SCARA5: variants seen among roughly 807,000 people sequenced by gnomAD.
SCARA5 encodes scavenger receptor class A member 5, also known as scavenger receptor class A, member 5 (putative).
Under a neutral mutation model 46.3 loss-of-function variants are expected in SCARA5, and 45 were observed. The ratio of observed to expected loss-of-function variants is 0.97; its 90% CI spans 0.76 to 1.24. The LOEUF (loss-of-function observed/expected upper bound fraction) is 1.24, where lower values mean the gene tolerates loss of function less well. SCARA5 is among the 50% of genes most tolerant of loss of function. The pLI is 0.00. For synonymous variants in SCARA5, 333 were observed against 306.5 expected (o/e 1.09, Z -0.90); for missense variants, 680 against 689.0 (o/e 0.99, Z 0.15).
chr8:27,904,386 G>T, intron 7 of SCARA5: 1 of 349,190 alleles, frequency 2.9e-6, no homozygotes, highest in Non-Finnish European at 5.2e-6. Flanking sequence ...CAGGTGTCCA[G>T]CATGATCATA....
At chr8:27,949,667 C>A (rs952438898) in intron 3 of SCARA5, among the ~76,000 whole-genome samples, 20 of 152,208 alleles carry the variant, frequency 1.3e-4, no homozygotes, top group African/African-American at 4.3e-4. Context: ...CCTCCTTCCA[C>A]CCCAACCGCA....
intron 5 of SCARA5, 149 bp from the exon 6 acceptor site, chr8:27,907,395 C>T (rs1807281638): frequency 3.5e-6 from 2 of 563,842 alleles, no homozygotes; most frequent in South Asian, 4.6e-5. Context: ...AAAGATGCCA[C>T]CACAGCAGAG....
Position 27,921,604 on chromosome 8 carries a change from A to T in SCARA5, c.883T>A (p.Ser295Thr), listed in dbSNP as rs1452799289. The change falls in exon 4 of 9, where the codon TCC (serine) becomes ACC (threonine). Residue 295 changes from serine to threonine, a missense_variant. Around this residue, in one of 3 missense-constraint regions of SCARA5, gnomAD observed 438 missense variants for 384.5 expected, o/e 1.14. Transcript: ENST00000354914. ...EDLRLKDWEHSIALRNISLAK... is the reference protein window; with the variant it reads ...EDLRLKDWEHTIALRNISLAK... The stretch of plus-strand genomic sequence containing the variant: ...AGGGAGATGTTCCGCAGTGCGATGG[A>T]GTGCTCCCAGTCCTTGAGGCGCAGG... The T allele has an allele frequency of 6.3e-7, 1 of 1,585,674 alleles. No homozygotes were observed. The highest frequency in any genetic ancestry group is 8.6e-7 in the Non-Finnish European group (1 of 1,164,042).
chr8:27,944,531 C>A (rs1808002187), intron 3 of SCARA5, among the ~76,000 whole-genome samples: 1 of 152,040 alleles, frequency 6.6e-6, no homozygotes, highest in Non-Finnish European at 1.5e-5. Flanking sequence ...CTCTTTATAG[C>A]TTCCAACTTC....
At chr8:27,958,852 G>T (rs1179002825) in intron 3 of SCARA5, among the ~76,000 whole-genome samples, 1 of 152,206 alleles carries the variant, frequency 6.6e-6, no homozygotes, top group African/African-American at 2.4e-5. Flanking sequence ...GATGGGGTGA[G>T]GAGGAGATCT....
intron 5 of SCARA5, among the ~76,000 whole-genome samples, chr8:27,907,609 C>G (rs2129762741): frequency 8.7e-6 from 1 of 114,896 alleles, no homozygotes; most frequent in Non-Finnish European, 1.8e-5. Context: ...AAGTCTCGCT[C>G]TGTCACCCAG....
intron 8 of SCARA5, among the ~76,000 whole-genome samples, chr8:27,875,162 TCTCCCTCTGTTCCTCCCTCC>T (rs1806702044): frequency 6.6e-6 from 1 of 150,866 alleles, no homozygotes; most frequent in Non-Finnish European, 1.5e-5. Context: ...TTCCTTCCTC[TCTCCCTCTGTTCCTCCCTCC>T]CTCCCTCCCT....
chr8:27,961,205 G>C lies in SCARA5; in HGVS notation c.241+5209C>G, dbSNP rs1174657853. On this transcript the variant is annotated intron_variant, in intron 3 of 8. Coordinates refer to ENST00000354914, the MANE Select transcript of SCARA5 (RefSeq NM_173833.6). ...TTGAAGTCAGATCCCCAGTGTTGGAGGTGAGGCCTAGTGGGAGGTCTTTGG... is the reference window on the plus strand; with the variant it reads ...TTGAAGTCAGATCCCCAGTGTTGGACGTGAGGCCTAGTGGGAGGTCTTTGG... Among the ~76,000 whole-genome samples, 3 of 152,210 alleles carry C rather than the reference G, an allele frequency of 2.0e-5. No homozygotes were observed. The East Asian group carries it at 5.8e-4, about 29-fold the overall frequency.
chr8:27,912,528 C>T (rs6558028), intron 4 of SCARA5, among the ~76,000 whole-genome samples: 83,252 of 151,968 alleles, frequency 0.55, 23,633 homozygotes, highest in Non-Finnish European at 0.63. Context: ...AAACGAAGGG[C>T]GGAGTCAGGA....
intron 1 of SCARA5, among the ~76,000 whole-genome samples, chr8:27,989,046 C>T (rs896357954): frequency 6.8e-6 from 1 of 147,768 alleles, no homozygotes; most frequent in Non-Finnish European, 1.5e-5. Flanking sequence ...TCAGGGAAGG[C>T]GGCTGGCGGG....
At chr8:27,957,871 T>C (rs1011904606) in intron 3 of SCARA5, among the ~76,000 whole-genome samples, 2 of 152,188 alleles carry the variant, frequency 1.3e-5, no homozygotes, top group Admixed American at 6.5e-5. Flanking sequence ...AAGCCTAGCA[T>C]GGGGTTGGCA....
At chr8:27,875,957 C>T (rs141335791) in intron 8 of SCARA5, among the ~76,000 whole-genome samples, 3 of 152,274 alleles carry the variant, frequency 2.0e-5, no homozygotes, top group African/African-American at 4.8e-5. Context: ...GCTATGATTG[C>T]ACCACTGCAC....
At position 27,879,488 on chromosome 8, in the gene SCARA5, G is replaced by A. The variant is rs1806774564; in HGVS notation, c.1351+81C>T. On this transcript the variant is annotated intron_variant, in intron 8 of 8. Coordinates refer to ENST00000354914, the MANE Select transcript of SCARA5 (RefSeq NM_173833.6). ...GGGACCTCGCGGAATTGCAGTGGAA[G>A]GGACTCGGGCTTTGGAGGTGAGCCC... 5.8e-6 allele frequency: 8 copies of A among 1,377,344 alleles called. No individual in the cohort carries two copies. In the South Asian group the frequency reaches 9.7e-5, roughly 17 times the overall value. The allele number at this position is 1,377,344 out of a possible 1,614,324, so 85.3% of individuals were successfully genotyped here.
At chr8:27,916,407 A>C (rs1461302852) in intron 4 of SCARA5, among the ~76,000 whole-genome samples, 1 of 103,970 alleles carries the variant, frequency 9.6e-6, no homozygotes, top group Non-Finnish European at 2.5e-5. Context: ...GTATACGTAT[A>C]TGTGCAAACG....
At chr8:27,901,414 G>A (rs909034697) in intron 7 of SCARA5, among the ~76,000 whole-genome samples, 9 of 152,088 alleles carry the variant, frequency 5.9e-5, no homozygotes, top group South Asian at 2.1e-4. Flanking sequence ...TGCTGCAAAC[G>A]CTTTTTTCCC....
At chr8:27,942,127 C>T (rs925634334) in intron 3 of SCARA5, among the ~76,000 whole-genome samples, 2 of 152,094 alleles carry the variant, frequency 1.3e-5, no homozygotes, top group Non-Finnish European at 2.9e-5. Context: ...CTGCGCCCAG[C>T]CCCCATTCAC....
intron 8 of SCARA5, among the ~76,000 whole-genome samples, chr8:27,873,230 G>A (rs764270384): frequency 1.3e-5 from 2 of 152,122 alleles, no homozygotes; most frequent in African/African-American, 4.8e-5. Flanking sequence ...CCCTAATCCC[G>A]CTCGAAGCAG....
chr8:27,965,056 C>T (rs1177945128), intron 3 of SCARA5, among the ~76,000 whole-genome samples: 1 of 152,178 alleles, frequency 6.6e-6, no homozygotes, highest in Non-Finnish European at 1.5e-5. Context: ...TGGCCCCTGT[C>T]CTCTGGTCCC....
At chr8:27,931,530 C>A (rs1331944891) in intron 3 of SCARA5, among the ~76,000 whole-genome samples, 1 of 152,132 alleles carries the variant, frequency 6.6e-6, no homozygotes, top group Non-Finnish European at 1.5e-5. Context: ...GGGCTCTAGG[C>A]ACCTATAAGT....
Sources: gnomAD v4.1 joint callset for allele counts (sites outside exome capture counted in the v4.1 genomes callset) on GRCh38, gnomAD v4.1.1 for gene constraint, gnomAD v4.1.1 regional missense constraint, MANE v1.5 for transcripts, NCBI Gene and HGNC (gene_info 2026-07-23, HGNC 2026-07-21) for gene names.